Variants in RUNX3 observed in about 807,000 individuals in gnomAD.
RUNX3 encodes RUNX family transcription factor 3.
A neutral mutation model predicts 27.7 loss-of-function variants in RUNX3; 10 were observed. The observed-to-expected ratio is 0.36, with a 90% confidence interval of 0.22 to 0.61. The LOEUF is 0.61. Ranked by LOEUF, RUNX3 falls within the 20% of genes least tolerant of loss-of-function variation. The pLI, the probability that RUNX3 is intolerant of heterozygous loss-of-function variation, is 0.72. For synonymous variants in RUNX3, 270 were observed against 269.2 expected, an observed-to-expected ratio of 1.00 and a Z score of -0.03; for missense variants, 469 against 629.5, an observed-to-expected ratio of 0.75 and a Z score of 2.73.
At chr1:24,944,374 G>T (rs1017132873) in intron 2 of RUNX3, among the ~76,000 whole-genome samples, 1 of 152,100 alleles carries the variant, frequency 6.6e-6, no homozygotes, top group African/African-American at 2.4e-5. Context: ...TGTCTGCCTG[G>T]CTCAGCTACC....
At chr1:24,956,329 G>A (rs1172186391) in intron 2 of RUNX3, among the ~76,000 whole-genome samples, 1 of 152,186 alleles carries the variant, frequency 6.6e-6, no homozygotes, top group Non-Finnish European at 1.5e-5. Flanking sequence ...TTAAAAGTTT[G>A]GAAAATACAC....
rs1557847352 is a variant in RUNX3, at chr1:24,930,228, C to T, written c.-360G>A. On this transcript the variant is annotated 5_prime_UTR_variant, in exon 1 of 5. Transcript: ENST00000308873. The surrounding 1 kb of genome is among the most constrained non-coding windows in gnomAD (Gnocchi z 4.1). ...GCCCCGAAGCTCGCCCGCGGCCGCC[C>T]CGACTCCGCGGCCGCAGCCCCAGAA... The T allele has an allele frequency of 1.0e-6, 1 of 982,756 alleles. No individual in the cohort carries two copies. Among genetic ancestry groups the T allele is most frequent in the East Asian group, 1.1e-4 (1 of 8,748 alleles). The allele number at this position is 982,756 out of a possible 1,614,324, so 60.9% of individuals were successfully genotyped here.
chr1:24,914,702 G>A (rs1640855978), intron 3 of RUNX3, among the ~76,000 whole-genome samples: 1 of 152,150 alleles, frequency 6.6e-6, no homozygotes, highest in Admixed American at 6.5e-5. Flanking sequence ...AGACACTCCT[G>A]GGGGTTGTGG....
intron 3 of RUNX3, among the ~76,000 whole-genome samples, chr1:24,914,676 C>G (rs936261381): frequency 2.6e-5 from 4 of 152,176 alleles, no homozygotes; most frequent in Non-Finnish European, 5.9e-5. Flanking sequence ...TCCGCTAGCC[C>G]TGCCCCTAGC....
At chr1:24,942,612 A>C (rs1254248517) in intron 2 of RUNX3, among the ~76,000 whole-genome samples, 1 of 152,150 alleles carries the variant, frequency 6.6e-6, no homozygotes, top group Non-Finnish European at 1.5e-5. Context: ...CCCACTGCAC[A>C]GTGGAACTGG....
At position 24,901,351 on chromosome 1, in the gene RUNX3, A is replaced by G. The variant is rs1394619203; in HGVS notation, c.*771T>C. ...GCCCTGCCAAGAGAACAGAGAGTGG[A>G]TGCGTTGAGCTGGTAAAGTGCATGG... On this transcript the variant is annotated 3_prime_UTR_variant, in exon 5 of 5. Coordinates refer to ENST00000308873, the MANE Select transcript of RUNX3 (RefSeq NM_004350.3). 1 of 152,520 alleles carries G rather than the reference A, an allele frequency of 6.6e-6. No individual in the cohort carries two copies. The highest frequency in any genetic ancestry group is 1.5e-5 in the Non-Finnish European group (1 of 68,032). 9.4% of individuals were successfully genotyped at this position (152,520 alleles called of 1,614,324 possible).
intron 2 of RUNX3, among the ~76,000 whole-genome samples, chr1:24,940,412 A>C (rs1198714091): frequency 6.6e-6 from 1 of 152,210 alleles, no homozygotes; most frequent in African/African-American, 2.4e-5. Flanking sequence ...TGCCATCTGC[A>C]TGACCTTGGC....
chr1:24,930,390 G>C (rs1641198406), upstream of RUNX3: 1 of 261,198 alleles, frequency 3.8e-6, no homozygotes, highest in Admixed American at 6.5e-5. The surrounding 1 kb of genome is among the most constrained non-coding windows in gnomAD (Gnocchi z 4.1). Flanking sequence ...CACCTCGGTG[G>C]CGTTCGCGGG....
Position 24,916,646 on chromosome 1 carries a change from C to T in RUNX3, c.544+2594G>A, listed in dbSNP as rs1274884419. Among the ~76,000 whole-genome samples the T allele has an allele frequency of 6.6e-6, 1 of 152,100 alleles. No homozygotes were observed. The highest frequency in any genetic ancestry group is 6.5e-5 in the Admixed American group (1 of 15,270). On this transcript the variant is annotated intron_variant, in intron 3 of 4. Transcript: ENST00000308873. The surrounding 1 kb of genome is among the most constrained non-coding windows in gnomAD (Gnocchi z 4.8). ...GGCCAAAGACAAAGGAGTGGGGCTG[C>T]AACCCAGGGTATGGGGGGGGACCTG...
At chr1:24,906,435 A>G (rs988104909) in intron 4 of RUNX3, among the ~76,000 whole-genome samples, 4 of 152,242 alleles carry the variant, frequency 2.6e-5, no homozygotes, top group African/African-American at 9.6e-5. Context: ...CCGGCCACCA[A>G]GCACCCTTGG....
intron 3 of RUNX3, among the ~76,000 whole-genome samples, chr1:24,915,941 C>T (rs1433964011): frequency 6.6e-6 from 1 of 152,186 alleles, no homozygotes; most frequent in Non-Finnish European, 1.5e-5. Context: ...GACACCAGCA[C>T]TGAGAACCTC....
At chr1:24,926,392 T>C (rs1641100942) in intron 2 of RUNX3, among the ~76,000 whole-genome samples, 1 of 152,230 alleles carries the variant, frequency 6.6e-6, no homozygotes, top group Non-Finnish European at 1.5e-5. Context: ...GAAATCTGTG[T>C]GTGGGGAAGG....
At chr1:24,964,534 T>G in exon 2 of RUNX3, 1 of 1,611,854 alleles carries the variant, frequency 6.2e-7, no homozygotes, top group Non-Finnish European at 8.5e-7. Context: ...GGTCGGCGAG[T>G]AGGTCGGGAA....
intron 2 of RUNX3, among the ~76,000 whole-genome samples, chr1:24,920,364 G>A (rs1297752629): frequency 4.6e-5 from 7 of 152,138 alleles, no homozygotes; most frequent in Admixed American, 3.9e-4. Flanking sequence ...TATTACGGGC[G>A]CGGATCCCTC....
At chr1:24,957,695 G>A (rs903314960) in intron 2 of RUNX3, among the ~76,000 whole-genome samples, 2 of 152,240 alleles carry the variant, frequency 1.3e-5, no homozygotes, top group African/African-American at 4.8e-5. Flanking sequence ...CATTCCATGA[G>A]GGCTTGTCTG....
rs1261960277 is a variant in RUNX3, at chr1:24,909,407, C to T, written c.545-1990G>A. Among the ~76,000 whole-genome samples the T allele has an allele frequency of 2.0e-5, 3 of 152,098 alleles. No homozygotes were observed. In the East Asian group the frequency reaches 5.8e-4, roughly 29 times the overall value. On this transcript the variant is annotated intron_variant, in intron 3 of 4. Transcript: ENST00000308873. ...CTTCTCATGGAACTCTCTTGAACAG[C>T]CTCAGTCCGGGTGTGTCATTCTGTA... is the stretch of plus-strand genomic sequence containing the variant.
rs1297476478 is a variant in RUNX3, at chr1:24,929,985, G to T, written c.-117C>A. On this transcript the variant is annotated 5_prime_UTR_variant, in exon 1 of 5. Coordinates refer to ENST00000308873, the MANE Select transcript of RUNX3 (RefSeq NM_004350.3). ...CGAGAAGCGGGAAAGCAGAAGCGGC[G>T]GGGCCCGGGCCTCAGGGCGCAGGGG... The T allele has an allele frequency of 5.6e-5, 66 of 1,177,378 alleles. No homozygotes were observed. Among genetic ancestry groups the T allele is most frequent in the African/African-American group, 1.5e-4 (9 of 61,766 alleles). The allele number at this position is 1,177,378 out of a possible 1,614,324, so 72.9% of individuals were successfully genotyped here. A position where few individuals can be genotyped will look rare whatever the true frequency, so the allele number is the denominator to read the frequency against.
At chr1:24,903,162 A>T (rs1571298942) in intron 4 of RUNX3, among the ~76,000 whole-genome samples, 2 of 152,140 alleles carry the variant, frequency 1.3e-5, no homozygotes, top group East Asian at 3.9e-4. Context: ...AAGAAAATGG[A>T]GGCAGAGAGA....
upstream of RUNX3, among the ~76,000 whole-genome samples, chr1:24,933,870 G>A (rs913295270): frequency 3.3e-5 from 5 of 152,172 alleles, no homozygotes; most frequent in Non-Finnish European, 7.3e-5. Context: ...AGAGAGCAGA[G>A]GACTCTCTTC....
Sources: allele counts gnomAD v4.1 joint callset (sites outside exome capture counted in the v4.1 genomes callset), GRCh38; gene constraint gnomAD v4.1.1; non-coding constraint Gnocchi (gnomAD v3.1); transcripts MANE v1.5; gene names NCBI Gene and HGNC (gene_info 2026-07-23, HGNC 2026-07-21).